The following CYFIP2 variants were observed in gnomAD, a reference collection of about 807,000 sequenced individuals.
The protein encoded by CYFIP2 is cytoplasmic FMR1 interacting protein 2, also known as cytoplasmic FMR1-interacting protein 2.
CYFIP2 carries 29 observed loss-of-function variants against 158.7 expected under a neutral mutation model. The observed-to-expected ratio is 0.18, with a 90% CI of 0.14 to 0.25. The LOEUF (loss-of-function observed/expected upper bound fraction) is 0.25, where lower values mean the gene tolerates loss of function less well. Ranked by LOEUF, CYFIP2 falls within the 10% of genes least tolerant of loss-of-function variation. CYFIP2 has a pLI of 1.00. For missense variants in CYFIP2, 852 were observed against 1,639.5 expected (o/e 0.52, Z 8.29); for synonymous variants, 585 against 617.6 (o/e 0.95, Z 0.78).
chr5:157,300,921 C>G (rs766221459), intron 6 of CYFIP2, 25 bp downstream of exon 6: 1 of 1,522,490 alleles, frequency 6.6e-7, no homozygotes, highest in East Asian at 2.4e-5. Context: ...CCCCTCTCCC[C>G]TTTCCCCATC....
intron 26 of CYFIP2, among the ~76,000 whole-genome samples, chr5:157,373,545 C>T (rs1765190212): frequency 6.6e-6 from 1 of 152,118 alleles, no homozygotes; most frequent in African/African-American, 2.4e-5. Flanking sequence ...AGAGCTGGTA[C>T]TTGAGTGAAT....
chr5:157,384,104 T>A, intron 28 of CYFIP2: 1 of 354,138 alleles, frequency 2.8e-6, no homozygotes, highest in Non-Finnish European at 5.6e-6. Context: ...ACTTCAGCCT[T>A]TTCTGTAGTG....
At chr5:157,283,794 G>A (rs558338810) in intron 1 of CYFIP2, among the ~76,000 whole-genome samples, 29 of 152,310 alleles carry the variant, frequency 1.9e-4, no homozygotes, top group African/African-American at 6.5e-4. Context: ...CAGGACCTTA[G>A]GTATATTCTG....
At chr5:157,327,836 A>C (rs1761148190) in intron 18 of CYFIP2, 137 bp from the exon 19 acceptor site, 2 of 722,854 alleles carry the variant, frequency 2.8e-6, no homozygotes, top group East Asian at 2.8e-5. Flanking sequence ...TAGCCACAGA[A>C]TATTTTTCCC....
intron 28 of CYFIP2, chr5:157,384,470 G>A (rs1303853511): frequency 4.4e-6 from 2 of 456,682 alleles, no homozygotes; most frequent in Admixed American, 2.3e-5. Context: ...TCTCACCAAG[G>A]GCAAAAGGAC....
intron 23 of CYFIP2, among the ~76,000 whole-genome samples, chr5:157,354,873 T>C (rs1363900282): frequency 6.6e-6 from 1 of 151,716 alleles, no homozygotes; most frequent in African/African-American, 2.4e-5. Flanking sequence ...TAAATGTGTA[T>C]TTATTTGTGC....
intron 1 of CYFIP2, chr5:157,277,193 G>C (rs911570248): frequency 6.6e-6 from 1 of 152,104 alleles, no homozygotes; most frequent in Non-Finnish European, 1.5e-5. Flanking sequence ...ACTATGCCCA[G>C]CTAATTTTTG....
intron 21 of CYFIP2, among the ~76,000 whole-genome samples, chr5:157,334,151 C>T (rs985283693): frequency 5.3e-5 from 8 of 152,142 alleles, no homozygotes; most frequent in African/African-American, 1.9e-4. Context: ...TCAATGGTTG[C>T]TAAAATAAGT....
intron 7 of CYFIP2, among the ~76,000 whole-genome samples, chr5:157,303,504 A>G (rs1351703057): frequency 6.6e-6 from 1 of 152,218 alleles, no homozygotes; most frequent in East Asian, 1.9e-4. Context: ...TAGCAAGAAT[A>G]TCTGCAGGAC....
chr5:157,301,125 A>T (rs1309517849), intron 6 of CYFIP2, among the ~76,000 whole-genome samples: 1 of 152,194 alleles, frequency 6.6e-6, no homozygotes, highest in Admixed American at 6.5e-5. Context: ...ATATCTCAAG[A>T]TGGAATCAAA....
intron 5 of CYFIP2, among the ~76,000 whole-genome samples, chr5:157,297,929 G>A (rs568831637): frequency 1.3e-5 from 2 of 152,336 alleles, no homozygotes; most frequent in East Asian, 3.9e-4. Context: ...CTGTCATATT[G>A]GACAGTGCAG....
intron 23 of CYFIP2, among the ~76,000 whole-genome samples, chr5:157,348,183 T>C (rs181923586): frequency 1.3e-5 from 2 of 152,350 alleles, no homozygotes; most frequent in African/African-American, 4.8e-5. Context: ...TCTTCCACCC[T>C]TCCTGAAGGT....
At chr5:157,267,460 C>A (rs916100193) in intron 1 of CYFIP2, among the ~76,000 whole-genome samples, 6 of 152,174 alleles carry the variant, frequency 3.9e-5, no homozygotes, top group African/African-American at 1.4e-4. Context: ...AGGTCCATAT[C>A]TTTGGGCAGG....
chr5:157,382,544 T>C lies in CYFIP2; in HGVS notation c.3040-46T>C, dbSNP rs753597534. 8.7e-6 allele frequency: 14 copies of C among 1,605,188 alleles called. No individual in the cohort carries two copies. In the South Asian group the frequency reaches 1.6e-4, roughly 18 times the overall value. On this transcript the variant is annotated intron_variant, in intron 26 of 30. Coordinates refer to ENST00000620254, the MANE Select transcript of CYFIP2 (RefSeq NM_001037333.3). ...TTTTAGGAATGAAAAATCTTCCTGG[T>C]TTAAAATGAAAATTGTTTTCTCTTT...
At chr5:157,316,380 A>T (rs1473424299) in intron 13 of CYFIP2, among the ~76,000 whole-genome samples, 1 of 152,242 alleles carries the variant, frequency 6.6e-6, no homozygotes, top group East Asian at 1.9e-4. Flanking sequence ...ATATAAAATG[A>T]TTCCACTTAT....
chr5:157,391,750 ACT>A (rs1404149130), intron 30 of CYFIP2, among the ~76,000 whole-genome samples: 5 of 152,170 alleles, frequency 3.3e-5, no homozygotes, highest in African/African-American at 7.2e-5. Context: ...TGTACAAATA[ACT>A]CTACAAATTT....
intron 15 of CYFIP2, among the ~76,000 whole-genome samples, 199 bp from the exon 16 acceptor site, chr5:157,323,722 G>A (rs917607766): frequency 6.6e-6 from 1 of 152,198 alleles, no homozygotes; most frequent in Non-Finnish European, 1.5e-5. Flanking sequence ...GGGATGCCAC[G>A]GGGCCCGGGT....
chr5:157,328,356 G>A (rs1199241970), intron 19 of CYFIP2, among the ~76,000 whole-genome samples: 1 of 152,224 alleles, frequency 6.6e-6, no homozygotes, highest in African/African-American at 2.4e-5. Flanking sequence ...TTAAACCTTT[G>A]GGGGCGGGGA....
intron 26 of CYFIP2, among the ~76,000 whole-genome samples, chr5:157,375,119 A>G (rs1371439672): frequency 6.6e-6 from 1 of 152,230 alleles, no homozygotes; most frequent in Non-Finnish European, 1.5e-5. Context: ...TGTCCTATCT[A>G]GTGCTATAAG....
Sources: gnomAD v4.1 joint callset for allele counts (sites outside exome capture counted in the v4.1 genomes callset) on GRCh38, gnomAD v4.1.1 for gene constraint, MANE v1.5 for transcripts, NCBI Gene and HGNC (gene_info 2026-07-23, HGNC 2026-07-21) for gene names.